The following CNTN4 variants were observed in gnomAD, a reference collection of about 807,000 sequenced individuals.
CNTN4 encodes contactin-4.
Under a neutral mutation model 122.5 loss-of-function variants are expected in CNTN4, and 77 were observed. The observed-to-expected ratio is 0.63, with a 90% confidence interval of 0.52 to 0.76. The LOEUF (loss-of-function observed/expected upper bound fraction) is 0.76, where lower values mean the gene tolerates loss of function less well. Among genes scored for constraint, CNTN4 ranks in the 30% least tolerant of loss-of-function variants. The probability of loss-of-function intolerance (pLI) is 0.00; values close to 1 mark genes in which losing one functional copy is unlikely to be tolerated. For synonymous variants in CNTN4, 512 were observed against 447.0 expected, an observed-to-expected ratio of 1.15 and a Z score of -1.83; for missense variants, 1,256 against 1,259.1, an observed-to-expected ratio of 1.00 and a Z score of 0.04.
At chr3:2,899,677 T>G (rs1420489359) in intron 10 of CNTN4, among the ~76,000 whole-genome samples, 1 of 152,146 alleles carries the variant, frequency 6.6e-6, no homozygotes, top group East Asian at 1.9e-4. Context: ...TATTATCATT[T>G]GGGCAGCGGG....
intron 2 of CNTN4, among the ~76,000 whole-genome samples, chr3:2,128,675 A>T (rs1253598137): frequency 6.6e-6 from 1 of 152,200 alleles, no homozygotes; most frequent in Non-Finnish European, 1.5e-5. Context: ...TGTTTAGCTT[A>T]TGGTGGTGTA....
chr3:2,715,253 AT>A (rs1489778765), intron 4 of CNTN4, among the ~76,000 whole-genome samples: 1 of 152,254 alleles, frequency 6.6e-6, no homozygotes, highest in East Asian at 1.9e-4. Context: ...AGGAAAATGA[AT>A]TGTGAAAATA....
chr3:2,620,507 A>G (rs1002678733), intron 4 of CNTN4, among the ~76,000 whole-genome samples: 10 of 151,936 alleles, frequency 6.6e-5, no homozygotes, highest in African/African-American at 2.4e-4. Context: ...ATCCAAAAAT[A>G]TATATATATA....
chr3:2,885,961 C>A (rs1368977782), intron 9 of CNTN4, among the ~76,000 whole-genome samples: 1 of 152,140 alleles, frequency 6.6e-6, no homozygotes, highest in African/African-American at 2.4e-5. Context: ...TCTCGTAGGA[C>A]AGCTCAGGGC....
chr3:2,199,457 A>T (rs1259772065), intron 2 of CNTN4, among the ~76,000 whole-genome samples: 2 of 152,052 alleles, frequency 1.3e-5, no homozygotes, highest in East Asian at 3.9e-4. Context: ...TTATAGATTG[A>T]TAGCTTTGAA....
At chr3:2,995,850 C>T (rs1695484948) in intron 14 of CNTN4, among the ~76,000 whole-genome samples, 1 of 152,146 alleles carries the variant, frequency 6.6e-6, no homozygotes, top group Non-Finnish European at 1.5e-5. Flanking sequence ...GTGCAATCTC[C>T]ATGGCCCAGC....
chr3:2,462,493 T>G (rs577584271), intron 3 of CNTN4, among the ~76,000 whole-genome samples: 9 of 152,178 alleles, frequency 5.9e-5, no homozygotes, highest in Non-Finnish European at 1.2e-4. Flanking sequence ...AGTGGCCACA[T>G]TGTTATTCAA....
intron 8 of CNTN4, among the ~76,000 whole-genome samples, chr3:2,878,384 C>T (rs957224609): frequency 1.3e-5 from 2 of 152,202 alleles, no homozygotes; most frequent in African/African-American, 4.8e-5. Flanking sequence ...TTATATATCA[C>T]AGCATAAACA....
At chr3:2,920,233 A>AC in intron 12 of CNTN4, among the ~76,000 whole-genome samples, 1 of 151,078 alleles carries the variant, frequency 6.6e-6, no homozygotes, top group South Asian at 2.1e-4. Context: ...TATGTATCTA[A>AC]AACATTCTCA....
At position 2,714,562 on chromosome 3, in the gene CNTN4, A is replaced by G. The variant is rs181231513; in HGVS notation, c.56-21653A>G. On this transcript the variant is annotated intron_variant, in intron 4 of 24. Coordinates refer to ENST00000418658, the MANE Select transcript of CNTN4 (RefSeq NM_175607.3). ...GCCAATGCCAAGGAACCCATGGTCC[A>G]AAGACCAAACCAAACAAGTACTCAG... is the stretch of plus-strand genomic sequence containing the variant. 7.2e-5 allele frequency among the ~76,000 whole-genome samples: 11 copies of G among 152,258 alleles called. 1 individual carries two copies. Among genetic ancestry groups the G allele is most frequent in the African/African-American group, 2.6e-4 (11 of 41,544 alleles).
intron 12 of CNTN4, among the ~76,000 whole-genome samples, chr3:2,912,418 C>T (rs2151237377): frequency 6.6e-6 from 1 of 152,148 alleles, no homozygotes; most frequent in South Asian, 2.1e-4. Flanking sequence ...CTAGGTTTAC[C>T]CTGCAAGAAA....
chr3:2,862,605 G>C (rs1450259877), intron 7 of CNTN4, among the ~76,000 whole-genome samples: 1 of 152,182 alleles, frequency 6.6e-6, no homozygotes, highest in Non-Finnish European at 1.5e-5. Context: ...CAATGGGACA[G>C]AAACTGTCTG....
intron 3 of CNTN4, among the ~76,000 whole-genome samples, chr3:2,356,420 G>T (rs1293702085): frequency 6.6e-6 from 1 of 152,096 alleles, no homozygotes; most frequent in Admixed American, 6.5e-5. Context: ...GACCGTATAG[G>T]GTAACTTCCT....
intron 4 of CNTN4, among the ~76,000 whole-genome samples, chr3:2,617,926 A>G (rs2081836103): frequency 6.6e-6 from 1 of 152,212 alleles, no homozygotes; most frequent in Non-Finnish European, 1.5e-5. Flanking sequence ...TGTCATATTG[A>G]GCACATTACA....
At chr3:2,890,044 C>T (rs911032827) in intron 10 of CNTN4, among the ~76,000 whole-genome samples, 10 of 152,202 alleles carry the variant, frequency 6.6e-5, no homozygotes, top group Admixed American at 3.9e-4. Context: ...ATAAAATTTG[C>T]CTGCTTTCTG....
chr3:2,175,003 A>T (rs967025959), intron 2 of CNTN4, among the ~76,000 whole-genome samples: 3 of 152,194 alleles, frequency 2.0e-5, no homozygotes, highest in South Asian at 4.1e-4. Context: ...TTTACAATTC[A>T]ACATGAGATT....
At chr3:2,418,460 A>G (rs1316933925) in intron 3 of CNTN4, among the ~76,000 whole-genome samples, 1 of 152,204 alleles carries the variant, frequency 6.6e-6, no homozygotes, top group Non-Finnish European at 1.5e-5. Context: ...AATTAGATCA[A>G]TCTAATCATT....
At chr3:2,504,085 T>C (rs2076670087) in intron 3 of CNTN4, among the ~76,000 whole-genome samples, 1 of 152,054 alleles carries the variant, frequency 6.6e-6, no homozygotes, top group African/African-American at 2.4e-5. Context: ...CAATAAATGG[T>C]ACAAGTAAAG....
At chr3:2,736,184 T>G (rs1477039560) in intron 4 of CNTN4, 31 bp from the exon 5 acceptor site, 1 of 1,609,764 alleles carries the variant, frequency 6.2e-7, no homozygotes, top group South Asian at 1.1e-5. Context: ...AAGGGATTCT[T>G]CATTTTGGAC....
Sources: allele counts gnomAD v4.1 joint callset (sites outside exome capture counted in the v4.1 genomes callset), GRCh38; gene constraint gnomAD v4.1.1; transcripts MANE v1.5; gene names NCBI Gene and HGNC (gene_info 2026-07-23, HGNC 2026-07-21).